Variants in RNF175 observed in about 807,000 individuals in gnomAD.
RNF175 encodes ring finger protein 175.
RNF175 carries 38 observed loss-of-function variants against 50.0 expected under a neutral mutation model. That is an observed-to-expected ratio of 0.76 (90% CI 0.59 to 1.00). The LOEUF (loss-of-function observed/expected upper bound fraction) is 1.00. Ranked by LOEUF, RNF175 falls within the 50% of genes least tolerant of loss-of-function variation. The probability of loss-of-function intolerance (pLI) is 0.00; values close to 1 mark genes in which losing one functional copy is unlikely to be tolerated. For synonymous variants in RNF175, 155 were observed against 146.1 expected, an observed-to-expected ratio of 1.06 and a Z score of -0.44; for missense variants, 388 against 409.6, an observed-to-expected ratio of 0.95 and a Z score of 0.46.
In RNF175 at chr4:153,718,230, G is replaced by GTTTTTTTT. The variant is rs1272804247; in HGVS notation, c.630+1953_630+1954insAAAAAAAA. ...AGGAGTTTTTTTTGTTTGTTTGTTT[G>GTTTTTTTT]TTTGTTTGTTTTTTTTTTTTTTGAA... On this transcript the variant is annotated intron_variant, in intron 6 of 8. Transcript: ENST00000347063. 1.4e-3 allele frequency among the ~76,000 whole-genome samples: 46 copies of GTTTTTTTT among 31,852 alleles called. 2 individuals carry two copies. The East Asian group carries it at 0.02, about 14-fold the overall frequency. The allele number at this position is 31,852 out of a possible 152,430, so 20.9% of individuals were successfully genotyped here.
intron 4 of RNF175, among the ~76,000 whole-genome samples, chr4:153,726,941 A>G (rs965810314): frequency 1.3e-5 from 2 of 152,222 alleles, no homozygotes; most frequent in Non-Finnish European, 2.9e-5. Flanking sequence ...TATGCAAGCC[A>G]TAAAGGGTAA....
chr4:153,718,222 G>GTTTTTTTTTTTTTTTTTTTTTTTTTTTT lies in RNF175; in HGVS notation c.630+1961_630+1962insAAAAAAAAAAAAAAAAAAAAAAAAAAAA, dbSNP rs1460898288. On this transcript the variant is annotated intron_variant, in intron 6 of 8. Transcript: ENST00000347063. ...CTTTCCTAAGGAGTTTTTTTTGTTT[G>GTTTTTTTTTTTTTTTTTTTTTTTTTTTT]TTTGTTTGTTTGTTTGTTTTTTTTT... 4.3e-4 allele frequency among the ~76,000 whole-genome samples: 16 copies of GTTTTTTTTTTTTTTTTTTTTTTTTTTTT among 37,538 alleles called. 4 individuals are homozygous for GTTTTTTTTTTTTTTTTTTTTTTTTTTTT. The highest frequency in any genetic ancestry group is 4.9e-4 in the Non-Finnish European group (7 of 14,144). The allele number at this position is 37,538 out of a possible 152,430, so 24.6% of individuals were successfully genotyped here.
At chr4:153,723,941 G>A (rs1271981070) in intron 4 of RNF175, among the ~76,000 whole-genome samples, 4 of 152,050 alleles carry the variant, frequency 2.6e-5, no homozygotes, top group African/African-American at 9.7e-5. Context: ...CAGCCCCAGT[G>A]CAGATATCAC....
chr4:153,748,567 G>C, intron 3 of RNF175, 78 bp downstream of exon 3: 1 of 1,348,822 alleles, frequency 7.4e-7, no homozygotes, highest in Non-Finnish European at 9.9e-7. Context: ...GCTAACCAAG[G>C]GAGAACATGT....
At chr4:153,731,001 A>G (rs779987997) in intron 3 of RNF175, among the ~76,000 whole-genome samples, 17 of 152,214 alleles carry the variant, frequency 1.1e-4, no homozygotes, top group Non-Finnish European at 2.9e-5. Flanking sequence ...TTGGAGATCA[A>G]AAAGGAAAAG....
At chr4:153,758,608 T>C (rs916881347) in intron 1 of RNF175, among the ~76,000 whole-genome samples, 6 of 152,130 alleles carry the variant, frequency 3.9e-5, no homozygotes, top group Non-Finnish European at 8.8e-5. Context: ...AGCAAGAAAG[T>C]CATGGAGTTT....
At chr4:153,754,360 T>C (rs1446784745) in intron 1 of RNF175, among the ~76,000 whole-genome samples, 1 of 152,070 alleles carries the variant, frequency 6.6e-6, no homozygotes, top group Non-Finnish European at 1.5e-5. Context: ...AAGTGGGATC[T>C]TGGCTGACCA....
At chr4:153,721,235 T>C (rs1738320274) in intron 5 of RNF175, among the ~76,000 whole-genome samples, 1 of 152,196 alleles carries the variant, frequency 6.6e-6, no homozygotes, top group Non-Finnish European at 1.5e-5. Context: ...ATCTAAATAA[T>C]TGCACATTTG....
At chr4:153,750,606 C>G (rs1315216077) in intron 2 of RNF175, among the ~76,000 whole-genome samples, 1 of 152,082 alleles carries the variant, frequency 6.6e-6, no homozygotes, top group South Asian at 2.1e-4. Flanking sequence ...CTCTTAGTCT[C>G]TCTATTGGAA....
chr4:153,751,361 T>G (rs1486698869), intron 2 of RNF175, 77 bp downstream of exon 2: 1 of 1,025,588 alleles, frequency 9.8e-7, no homozygotes, highest in East Asian at 2.6e-5. Context: ...AAATGATGAC[T>G]TCATTCATTT....
At chr4:153,710,615 T>C in intron 8 of RNF175, 126 bp from the exon 9 acceptor site, 1 of 902,804 alleles carries the variant, frequency 1.1e-6, no homozygotes, top group Non-Finnish European at 1.7e-6. Flanking sequence ...TTCTATGTGC[T>C]CAATTAAAAG....
rs890590517 is a variant in RNF175 at position 153,718,837 on chromosome 4, G to A, written c.630+1347C>T. ...GTAAGATAGAGCCTATGGTGGAGGG[G>A]ATGGACAATTGCTGTGGGGAGGAAG... On this transcript the variant is annotated intron_variant, in intron 6 of 8. Coordinates refer to ENST00000347063, the MANE Select transcript of RNF175 (RefSeq NM_173662.4). 2.0e-5 allele frequency among the ~76,000 whole-genome samples: 3 copies of A among 152,320 alleles called. No individual in the cohort carries two copies. In the East Asian group the frequency reaches 5.8e-4, roughly 29 times the overall value.
At chr4:153,731,034 T>C (rs1739003704) in intron 3 of RNF175, among the ~76,000 whole-genome samples, 1 of 152,238 alleles carries the variant, frequency 6.6e-6, no homozygotes, top group African/African-American at 2.4e-5. Context: ...CATTAGAATG[T>C]ATTATGTGTG....
chr4:153,742,272 C>CA (rs34991607), intron 3 of RNF175, among the ~76,000 whole-genome samples: 54,614 of 103,842 alleles, frequency 0.53, 14,647 homozygotes, highest in South Asian at 0.65. Flanking sequence ...GCTTCTGTTC[C>CA]AAAAAAAAAA....
In RNF175 at chr4:153,734,800, C is replaced by T. The variant is rs569588127; in HGVS notation, c.247-6439G>A. 6.0e-5 allele frequency among the ~76,000 whole-genome samples: 9 copies of T among 150,898 alleles called. No homozygotes were observed. The South Asian group carries it at 1.1e-3, about 18-fold the overall frequency. ...ACGCCATTCTCCTGCCTCAGCCTCC[C>T]GAGTACCTGGGACTACAGGCACCCG... is the stretch of plus-strand genomic sequence containing the variant. On this transcript the variant is annotated intron_variant, in intron 3 of 8. Transcript: ENST00000347063.
intron 3 of RNF175, among the ~76,000 whole-genome samples, chr4:153,731,671 G>GAGA (rs1373129512): frequency 2.0e-5 from 3 of 148,932 alleles, no homozygotes; most frequent in Non-Finnish European, 4.5e-5. Flanking sequence ...AAGAAAGAGA[G>GAGA]AGAGGGAGGG....
At chr4:153,755,824 T>G (rs2127168850) in intron 1 of RNF175, among the ~76,000 whole-genome samples, 1 of 152,338 alleles carries the variant, frequency 6.6e-6, no homozygotes, top group African/African-American at 2.4e-5. Flanking sequence ...AAGACCCATA[T>G]TTTTATATAT....
At chr4:153,712,352 G>T in intron 8 of RNF175, 123 bp downstream of exon 8, 1 of 633,420 alleles carries the variant, frequency 1.6e-6, no homozygotes. Flanking sequence ...TGAAATAGGT[G>T]GTTAGGGAAA....
intron 5 of RNF175, among the ~76,000 whole-genome samples, chr4:153,722,779 A>C (rs933716717): frequency 4.7e-5 from 7 of 147,396 alleles, no homozygotes; most frequent in East Asian, 3.9e-4. Context: ...AAAAAAAAAA[A>C]CACAACAAAA....
Sources: gnomAD v4.1 joint callset for allele counts (sites outside exome capture counted in the v4.1 genomes callset) on GRCh38, gnomAD v4.1.1 for gene constraint, MANE v1.5 for transcripts, NCBI Gene and HGNC (gene_info 2026-07-23, HGNC 2026-07-21) for gene names.